ANKRD55: variants seen among roughly 807,000 people sequenced by gnomAD.
ANKRD55 encodes the protein ankyrin repeat domain-containing protein 55.
In ANKRD55, 41 loss-of-function variants were observed where a neutral mutation model predicts 60.6. The observed-to-expected ratio is 0.68, with a 90% confidence interval of 0.53 to 0.88. The LOEUF is 0.88. Ranked by LOEUF, ANKRD55 falls within the 40% of genes least tolerant of loss-of-function variation. The pLI is 0.00. For missense variants in ANKRD55, 732 were observed against 767.6 expected, an observed-to-expected ratio of 0.95 and a Z score of 0.55; for synonymous variants, 264 against 290.3, an observed-to-expected ratio of 0.91 and a Z score of 0.92.
chr5:56,188,389 A>G (rs1759023284), intron 2 of ANKRD55, among the ~76,000 whole-genome samples: 1 of 152,108 alleles, frequency 6.6e-6, no homozygotes, highest in South Asian at 2.1e-4. Flanking sequence ...GAAAAAGAAA[A>G]AAGAAATCTT....
At chr5:56,211,779 T>C (rs1228528517) in intron 2 of ANKRD55, among the ~76,000 whole-genome samples, 2 of 152,202 alleles carry the variant, frequency 1.3e-5, no homozygotes, top group Non-Finnish European at 2.9e-5. Flanking sequence ...ATCATTGTGC[T>C]AGAGTTTATA....
chr5:56,103,094 T>C (rs1196257207), intron 10 of ANKRD55, among the ~76,000 whole-genome samples: 2 of 152,224 alleles, frequency 1.3e-5, no homozygotes, highest in Non-Finnish European at 2.9e-5. Flanking sequence ...GTCAGCTGTT[T>C]ATCAGCTCCC....
chr5:56,167,425 C>T (rs1470035027), intron 5 of ANKRD55, among the ~76,000 whole-genome samples: 1 of 152,198 alleles, frequency 6.6e-6, no homozygotes, highest in Non-Finnish European at 1.5e-5. Flanking sequence ...CACATGCAGT[C>T]TGCCATTAAC....
At chr5:56,206,499 G>A (rs1759512466) in intron 2 of ANKRD55, among the ~76,000 whole-genome samples, 1 of 152,166 alleles carries the variant, frequency 6.6e-6, no homozygotes, top group Non-Finnish European at 1.5e-5. Context: ...TGCAGGATGG[G>A]TTTGCATCCT....
At chr5:56,155,741 G>C (rs1758175517) in intron 6 of ANKRD55, among the ~76,000 whole-genome samples, 1 of 151,596 alleles carries the variant, frequency 6.6e-6, no homozygotes, top group Non-Finnish European at 1.5e-5. Flanking sequence ...AGCTACTCAG[G>C]AGGCTAGGTG....
Position 56,118,742 on chromosome 5 carries a change from G to A in ANKRD55, c.798-1960C>T, listed in dbSNP as rs150107712. ...AGCAAAAGATCAGAATAGACATTTC[G>A]TCAAAGAAGATATATGGATGGTAAA... is the stretch of plus-strand genomic sequence containing the variant. On this transcript the variant is annotated intron_variant, in intron 8 of 11. Coordinates refer to ENST00000341048, the MANE Select transcript of ANKRD55 (RefSeq NM_024669.3). Among the ~76,000 whole-genome samples, 37 of 152,142 alleles carry A rather than the reference G, an allele frequency of 2.4e-4. No individual in the cohort carries two copies. The East Asian group carries it at 5.0e-3, about 21-fold the overall frequency.
At chr5:56,171,074 G>A (rs113512222) in intron 4 of ANKRD55, among the ~76,000 whole-genome samples, 6 of 152,090 alleles carry the variant, frequency 3.9e-5, no homozygotes, top group African/African-American at 1.4e-4. Context: ...CCCATTTCTA[G>A]GGCCACTCAC....
Position 56,166,158 on chromosome 5 carries a change from T to TTTCTTTCTTTCTTTCTTTCTTTCTTTC in ANKRD55, c.422+4535_422+4536insGAAAGAAAGAAAGAAAGAAAGAAAGAA, listed in dbSNP as rs1554040812. ...TCTTTCTTTCTTTCTTTCTTTCTTC[T>TTTCTTTCTTTCTTTCTTTCTTTCTTTC]TTCCTTCCTTCCTTCCTTCCTTCCT... On this transcript the variant is annotated intron_variant, in intron 5 of 11. Coordinates refer to ENST00000341048, the MANE Select transcript of ANKRD55 (RefSeq NM_024669.3). Among the ~76,000 whole-genome samples, 57 of 72,456 alleles carry TTTCTTTCTTTCTTTCTTTCTTTCTTTC rather than the reference T, an allele frequency of 7.9e-4. 5 individuals are homozygous for TTTCTTTCTTTCTTTCTTTCTTTCTTTC. Among genetic ancestry groups the TTTCTTTCTTTCTTTCTTTCTTTCTTTC allele is most frequent in the Non-Finnish European group, 9.6e-4 (37 of 38,654 alleles). 47.5% of individuals were successfully genotyped at this position (72,456 alleles called of 152,430 possible). A position where few individuals can be genotyped will look rare whatever the true frequency, so the allele number is the denominator to read the frequency against.
At chr5:56,104,665 A>G (rs1580932721) in intron 10 of ANKRD55, among the ~76,000 whole-genome samples, 2 of 152,202 alleles carry the variant, frequency 1.3e-5, no homozygotes, top group African/African-American at 4.8e-5. Flanking sequence ...GATTAATAAT[A>G]ATAATAATGA....
chr5:56,132,285 G>A (rs1049198050), intron 7 of ANKRD55, among the ~76,000 whole-genome samples: 4 of 151,934 alleles, frequency 2.6e-5, no homozygotes, highest in Admixed American at 1.3e-4. Context: ...AATACAAAAT[G>A]CTAATTAAAA....
intron 2 of ANKRD55, among the ~76,000 whole-genome samples, chr5:56,229,336 T>C (rs1407140211): frequency 6.6e-6 from 1 of 151,886 alleles, no homozygotes. Flanking sequence ...CCAGAAGAGA[T>C]GTTGCTATGG....
chr5:56,193,682 C>A (rs116282558), intron 2 of ANKRD55: 29,118 of 222,620 alleles, frequency 0.13, 3,696 homozygotes, highest in African/African-American at 0.37. Flanking sequence ...TAGCATTGCC[C>A]TGAAGAAGGA....
At chr5:56,222,070 A>T (rs1279382304) in intron 2 of ANKRD55, among the ~76,000 whole-genome samples, 1 of 152,226 alleles carries the variant, frequency 6.6e-6, no homozygotes, top group African/African-American at 2.4e-5. Context: ...CTGACCCCCG[A>T]GTAGCCTAAC....
rs1323430580 is a variant in ANKRD55 at position 56,135,292 on chromosome 5, T to TGCCTGCCTGCC, written c.613-8187_613-8186insGGCAGGCAGGC. Among the ~76,000 whole-genome samples, 21 of 82,528 alleles carry TGCCTGCCTGCC rather than the reference T, an allele frequency of 2.5e-4. 1 individual carries two copies. Among genetic ancestry groups the TGCCTGCCTGCC allele is most frequent in the East Asian group, 1.5e-3 (4 of 2,712 alleles). 54.1% of individuals were successfully genotyped at this position (82,528 alleles called of 152,430 possible). A position where few individuals can be genotyped will look rare whatever the true frequency, so the allele number is the denominator to read the frequency against. On this transcript the variant is annotated intron_variant, in intron 7 of 11. Coordinates refer to ENST00000341048, the MANE Select transcript of ANKRD55 (RefSeq NM_024669.3). ...CCTCCCTCCCTCCCTGCCTGCCTGCTTGCTTTCTTTCTTTCTTTCTTTCTT... is the reference window on the plus strand; with the variant it reads ...CCTCCCTCCCTCCCTGCCTGCCTGCTGCCTGCCTGCCTGCTTTCTTTCTTTCTTTCTTTCTT...
At position 56,132,990 on chromosome 5, in the gene ANKRD55, G is replaced by A. The variant is rs78212143; in HGVS notation, c.613-5884C>T. Among the ~76,000 whole-genome samples the A allele has an allele frequency of 1.0e-3, 155 of 152,236 alleles. 2 individuals carry two copies. Among genetic ancestry groups the A allele is most frequent in the African/African-American group, 3.6e-3 (149 of 41,542 alleles). ...GAAGACATAACGATCCTTATGTACC[G>A]AACAACACAGCCTCAAAATATGCGA... is the stretch of plus-strand genomic sequence containing the variant. On this transcript the variant is annotated intron_variant, in intron 7 of 11. Transcript: ENST00000341048.
chr5:56,125,756 G>C (rs969957442), intron 8 of ANKRD55: 2 of 152,120 alleles, frequency 1.3e-5, no homozygotes, highest in African/African-American at 4.8e-5. Context: ...AATTTGTGAA[G>C]TATTCCATAT....
intron 2 of ANKRD55, among the ~76,000 whole-genome samples, chr5:56,206,150 T>C (rs1759503231): frequency 6.6e-6 from 1 of 151,512 alleles, no homozygotes; most frequent in Non-Finnish European, 1.5e-5. Context: ...TAATTTTTTG[T>C]ATTTTTAGTA....
chr5:56,161,924 AT>A lies in ANKRD55; in HGVS notation c.423-2032del, dbSNP rs767768481. On this transcript the variant is annotated intron_variant, in intron 5 of 11. Transcript: ENST00000341048. Reference sequence around the variant, plus strand: ...TCACACAATTTTTATCTTTGCAATTATTTCACCACTGGATATATTTCCCTGT... The same window carrying A: ...TCACACAATTTTTATCTTTGCAATTATTCACCACTGGATATATTTCCCTGT... 14 of 964,984 alleles carry A rather than the reference AT, an allele frequency of 1.5e-5. No individual in the cohort carries two copies. In the East Asian group the frequency reaches 4.6e-4, roughly 32 times the overall value. 59.8% of individuals were successfully genotyped at this position (964,984 alleles called of 1,614,324 possible). A position where few individuals can be genotyped will look rare whatever the true frequency, so the allele number is the denominator to read the frequency against.
In ANKRD55 at chr5:56,155,821, G is replaced by T. The variant is rs541124144; in HGVS notation, c.483+4012C>A. Among the ~76,000 whole-genome samples, 70 of 142,664 alleles carry T rather than the reference G, an allele frequency of 4.9e-4. No individual in the cohort carries two copies. In the South Asian group the frequency reaches 6.9e-3, roughly 14 times the overall value. The allele number at this position is 142,664 out of a possible 152,430, so 93.6% of individuals were successfully genotyped here. On this transcript the variant is annotated intron_variant, in intron 6 of 11. Coordinates refer to ENST00000341048, the MANE Select transcript of ANKRD55 (RefSeq NM_024669.3). The stretch of plus-strand genomic sequence containing the variant: ...CATCGCACCATACCACTGCACTGTA[G>T]CCTGGGCCACAGAATGAGACCCTGC...
Sources: gnomAD v4.1 joint callset for allele counts (sites outside exome capture counted in the v4.1 genomes callset) on GRCh38, gnomAD v4.1.1 for gene constraint, MANE v1.5 for transcripts, NCBI Gene and HGNC (gene_info 2026-07-23, HGNC 2026-07-21) for gene names.